The following PRKCZ variants were observed in gnomAD, a reference collection of about 807,000 sequenced individuals.
The protein encoded by PRKCZ is protein kinase C zeta.
A neutral mutation model predicts 79.5 loss-of-function variants in PRKCZ; 33 were observed. That is an observed-to-expected ratio of 0.41 (90% CI 0.31 to 0.55). The LOEUF (loss-of-function observed/expected upper bound fraction) is 0.55. PRKCZ is among the 20% of genes least tolerant of loss of function. PRKCZ has a pLI of 0.19. For synonymous variants in PRKCZ, 342 were observed against 320.9 expected, an observed-to-expected ratio of 1.07 and a Z score of -0.70; for missense variants, 578 against 813.5, an observed-to-expected ratio of 0.71 and a Z score of 3.52.
At chr1:2,160,257 G>T (rs1311234548) in intron 10 of PRKCZ, among the ~76,000 whole-genome samples, 2 of 151,990 alleles carry the variant, frequency 1.3e-5, no homozygotes, top group Non-Finnish European at 2.9e-5. Flanking sequence ...GTGTGTGTGT[G>T]TGTGTGTGTG....
At chr1:2,116,233 A>G (rs1247314348) in intron 4 of PRKCZ, 1 of 152,230 alleles carries the variant, frequency 6.6e-6, no homozygotes, top group African/African-American at 2.4e-5. Flanking sequence ...CTTCCAGCAC[A>G]TGGACTGTCA....
At chr1:2,117,883 G>A (rs1416070733) in intron 4 of PRKCZ, among the ~76,000 whole-genome samples, 1 of 151,616 alleles carries the variant, frequency 6.6e-6, no homozygotes, top group Non-Finnish European at 1.5e-5. Flanking sequence ...TTCCTGTAGT[G>A]TGCCTCGTTT....
At chr1:2,146,910 A>G (rs1678657954) in intron 7 of PRKCZ, among the ~76,000 whole-genome samples, 1 of 151,656 alleles carries the variant, frequency 6.6e-6, no homozygotes, top group African/African-American at 2.4e-5. Context: ...TAGCCAACCA[A>G]CCAGCCCTCA....
rs1215795702 is a variant in PRKCZ, at chr1:2,174,168, C to T, written c.1405+152C>T. Reference sequence around the variant, plus strand: ...CATTCCTCCTGGCCAGACCCTGTGTCACATGCCACTCCCCGGGCCGTGGGG... The same window carrying T: ...CATTCCTCCTGGCCAGACCCTGTGTTACATGCCACTCCCCGGGCCGTGGGG... On this transcript the variant is annotated intron_variant, in intron 14 of 17. Transcript: ENST00000378567. The surrounding 1 kb of genome is among the most constrained non-coding windows in gnomAD (Gnocchi z 6.2). 3.6e-6 allele frequency: 4 copies of T among 1,111,072 alleles called. No individual in the cohort carries two copies. The African/African-American group carries it at 4.9e-5, about 14-fold the overall frequency. The allele number at this position is 1,111,072 out of a possible 1,614,324, so 68.8% of individuals were successfully genotyped here. A position where few individuals can be genotyped will look rare whatever the true frequency, so the allele number is the denominator to read the frequency against.
In PRKCZ at chr1:2,174,938, A is replaced by T; in HGVS notation, c.1485+105A>T. 8.2e-7 allele frequency: 1 copy of T among 1,217,606 alleles called. No individual in the cohort carries two copies. The highest frequency in any genetic ancestry group is 1.2e-6 in the Non-Finnish European group (1 of 837,416). The allele number at this position is 1,217,606 out of a possible 1,614,324, so 75.4% of individuals were successfully genotyped here. ...CATTTTTTCATGTCGGCTGCTGTGT[A>T]TCGGGTGTGTGGGTTGATTTTCCGC... On this transcript the variant is annotated intron_variant, in intron 15 of 17. Transcript: ENST00000378567. The surrounding 1 kb of genome is among the most constrained non-coding windows in gnomAD (Gnocchi z 6.2).
chr1:2,055,297 G>T (rs1660058363), intron 1 of PRKCZ, 144 bp from the exon 2 acceptor site: 1 of 997,384 alleles, frequency 1.0e-6, no homozygotes, highest in Non-Finnish European at 1.4e-6. Context: ...TTGTGTGTGG[G>T]AGGGGGGAGG....
chr1:2,160,036 C>A (rs1056922404), intron 10 of PRKCZ, among the ~76,000 whole-genome samples: 5 of 152,158 alleles, frequency 3.3e-5, no homozygotes, highest in Non-Finnish European at 7.4e-5. Flanking sequence ...ACTCGCTGTT[C>A]TAAAATAAAA....
At chr1:2,143,882 AG>A (rs1052789583) in intron 5 of PRKCZ, 6 of 257,866 alleles carry the variant, frequency 2.3e-5, no homozygotes, top group Non-Finnish European at 4.6e-5. Flanking sequence ...CAGGAGCTGC[AG>A]CCCCCCAGCC....
chr1:2,175,678 G>C (rs1048440088), intron 16 of PRKCZ, among the ~76,000 whole-genome samples: 1 of 152,006 alleles, frequency 6.6e-6, no homozygotes, highest in African/African-American at 2.4e-5. Flanking sequence ...GGCCCCACTT[G>C]CGTGGAGCCA....
chr1:2,161,853 T>A (rs1434685811), intron 10 of PRKCZ, among the ~76,000 whole-genome samples: 9 of 152,006 alleles, frequency 5.9e-5, no homozygotes, highest in Admixed American at 5.9e-4. Context: ...ACCTGGAGTC[T>A]CCTTAGTTGA....
At chr1:2,053,988 C>T (rs1309795195) in intron 1 of PRKCZ, among the ~76,000 whole-genome samples, 1 of 152,144 alleles carries the variant, frequency 6.6e-6, no homozygotes, top group Non-Finnish European at 1.5e-5. Flanking sequence ...CGTCTGTCCC[C>T]CAGGCCCAGG....
At chr1:2,062,213 C>T (rs899238389) in intron 4 of PRKCZ, among the ~76,000 whole-genome samples, 4 of 152,070 alleles carry the variant, frequency 2.6e-5, no homozygotes, top group Non-Finnish European at 5.9e-5. Context: ...GTTACAAACC[C>T]AAAATATATT....
rs139692807 is a variant in PRKCZ at position 2,112,665 on chromosome 1, T to G, written c.335-22597T>G. Among the ~76,000 whole-genome samples the G allele has an allele frequency of 5.2e-4, 48 of 91,542 alleles. No individual in the cohort carries two copies. The East Asian group carries it at 0.015, about 29-fold the overall frequency. 60.1% of individuals were successfully genotyped at this position (91,542 alleles called of 152,430 possible). Reference sequence around the variant, plus strand: ...AACTTGCTGGAGTTGCAGTTCCGTTTTTTTGTTTGTTTGGTTGGTTGGTTG... The same window carrying G: ...AACTTGCTGGAGTTGCAGTTCCGTTGTTTTGTTTGTTTGGTTGGTTGGTTG... On this transcript the variant is annotated intron_variant, in intron 4 of 17. Coordinates refer to ENST00000378567, the MANE Select transcript of PRKCZ (RefSeq NM_002744.6).
chr1:2,054,371 G>A (rs1047249384), intron 1 of PRKCZ, among the ~76,000 whole-genome samples: 1 of 152,110 alleles, frequency 6.6e-6, no homozygotes, highest in Non-Finnish European at 1.5e-5. Flanking sequence ...GGGCCCTGTG[G>A]TGGTCCCTCC....
chr1:2,137,815 A>G (rs1206931602), intron 5 of PRKCZ, among the ~76,000 whole-genome samples: 11 of 152,088 alleles, frequency 7.2e-5, no homozygotes, highest in Admixed American at 7.2e-4. Context: ...CTTCCTGCAG[A>G]CACTGGAGGA....
At position 2,184,852 on chromosome 1, in the gene PRKCZ, C is replaced by T. The variant is rs531916201; in HGVS notation, c.1692-70C>T. 948 of 1,454,522 alleles carry T rather than the reference C, an allele frequency of 6.5e-4. 9 individuals carry two copies. In the Admixed American group the frequency reaches 0.015, roughly 24 times the overall value. The allele number at this position is 1,454,522 out of a possible 1,614,324, so 90.1% of individuals were successfully genotyped here. On this transcript the variant is annotated intron_variant, in intron 17 of 17. Transcript: ENST00000378567. The stretch of plus-strand genomic sequence containing the variant: ...CGTTGGGGGAGGATTCTTATGCGAA[C>T]GTGACTCCGCTTCCCCCAAGGGAAT...
In PRKCZ at chr1:2,161,153, C is replaced by T. The variant is rs560807531; in HGVS notation, c.974+5061C>T. ...CCTGACTGACACCCGTAGGGCCCAG[C>T]GTGGGCGCAGCCGCCTCAGCCTTTG... On this transcript the variant is annotated intron_variant, in intron 10 of 17. Coordinates refer to ENST00000378567, the MANE Select transcript of PRKCZ (RefSeq NM_002744.6). 1.8e-4 allele frequency among the ~76,000 whole-genome samples: 28 copies of T among 152,358 alleles called. No homozygotes were observed. In the East Asian group the frequency reaches 3.3e-3, roughly 18 times the overall value.
At chr1:2,066,197 G>A (rs999359455) in intron 4 of PRKCZ, among the ~76,000 whole-genome samples, 1 of 152,192 alleles carries the variant, frequency 6.6e-6, no homozygotes, top group Non-Finnish European at 1.5e-5. Context: ...TGGTGTCAGA[G>A]TAGTGCTGGC....
At chr1:2,085,345 G>C (rs1664302363) in intron 4 of PRKCZ, among the ~76,000 whole-genome samples, 1 of 152,246 alleles carries the variant, frequency 6.6e-6, no homozygotes, top group Admixed American at 6.5e-5. Context: ...TGTGCCCTGT[G>C]TTACCGGATC....
Sources: gnomAD v4.1 joint callset for allele counts (sites outside exome capture counted in the v4.1 genomes callset) on GRCh38, gnomAD v4.1.1 for gene constraint, Gnocchi (gnomAD v3.1) non-coding constraint, MANE v1.5 for transcripts, NCBI Gene and HGNC (gene_info 2026-07-23, HGNC 2026-07-21) for gene names.